Variants in RXRA observed in about 807,000 individuals in gnomAD.
RXRA encodes retinoic acid receptor RXR-alpha.
A neutral mutation model predicts 44.5 loss-of-function variants in RXRA; 5 were observed. The ratio of observed to expected loss-of-function variants is 0.11; its 90% confidence interval spans 0.06 to 0.24. The LOEUF is 0.24. Ranked by LOEUF, RXRA falls within the 10% of genes least tolerant of loss-of-function variation. The pLI is 1.00. For missense variants in RXRA, 412 were observed against 646.5 expected, an observed-to-expected ratio of 0.64 and a Z score of 3.93; for synonymous variants, 291 against 271.4, an observed-to-expected ratio of 1.07 and a Z score of -0.71.
chr9:134,370,469 C>T (rs185915653), intron 1 of RXRA, among the ~76,000 whole-genome samples: 1 of 152,368 alleles, frequency 6.6e-6, no homozygotes, highest in East Asian at 1.9e-4. Flanking sequence ...TTTACTTTGT[C>T]TCTCGCCGTG....
chr9:134,400,433 C>T lies in RXRA; in HGVS notation c.29-1199C>T, dbSNP rs540518106. Among the ~76,000 whole-genome samples, 7 of 152,328 alleles carry T rather than the reference C, an allele frequency of 4.6e-5. No individual in the cohort carries two copies. The East Asian group carries it at 7.7e-4, about 17-fold the overall frequency. ...CCTGTGATTGCCACAGGTCAAGGCA[C>T]GGAGGGCCTGAGAGCCATTCTGCAG... On this transcript the variant is annotated intron_variant, in intron 1 of 9. Transcript: ENST00000481739.
Position 134,426,251 on chromosome 9 carries a change from G to A in RXRA, c.911-2857G>A. 1 of 985,442 alleles carries A rather than the reference G, an allele frequency of 1.0e-6. No homozygotes were observed. Among genetic ancestry groups the A allele is most frequent in the Non-Finnish European group, 1.2e-6 (1 of 829,930 alleles). The allele number at this position is 985,442 out of a possible 1,614,324, so 61.0% of individuals were successfully genotyped here. A position where few individuals can be genotyped will look rare whatever the true frequency, so the allele number is the denominator to read the frequency against. The stretch of plus-strand genomic sequence containing the variant: ...GCCAGCGCACCCTGAGCCGTTTAAA[G>A]CTGTGTCCGTGCCGGGCCCCCACAT... On this transcript the variant is annotated intron_variant, in intron 6 of 9. Transcript: ENST00000481739. This position sits in a 1 kb window ranked among gnomAD's most constrained non-coding sequence, Gnocchi z 4.6.
At position 134,434,271 on chromosome 9, in the gene RXRA, C is replaced by G; in HGVS notation, c.1241+64C>G. 2.5e-6 allele frequency: 3 copies of G among 1,190,296 alleles called. No individual in the cohort carries two copies. In the South Asian group the frequency reaches 3.7e-5, roughly 15 times the overall value. 73.7% of individuals were successfully genotyped at this position (1,190,296 alleles called of 1,614,324 possible). A position where few individuals can be genotyped will look rare whatever the true frequency, so the allele number is the denominator to read the frequency against. ...GCTCTTGTCTCCAGAGCCCCCACCC[C>G]CTGCAAGGCCATTTTATGTGAATGA... On this transcript the variant is annotated intron_variant, in intron 9 of 9. Coordinates refer to ENST00000481739, the MANE Select transcript of RXRA (RefSeq NM_002957.6).
intron 2 of RXRA, chr9:134,402,141 C>G: frequency 3.7e-6 from 2 of 536,142 alleles, no homozygotes; most frequent in South Asian, 5.1e-5. Context: ...TGGCCCCTTC[C>G]CATGCCGGAG....
chr9:134,423,264 T>C, intron 6 of RXRA: 1 of 985,432 alleles, frequency 1.0e-6, no homozygotes, highest in Middle Eastern at 5.2e-4. Context: ...CCGACGATGG[T>C]GCTGGTCACT....
At chr9:134,379,745 C>T (rs1830613575) in intron 1 of RXRA, 4 of 985,260 alleles carry the variant, frequency 4.1e-6, no homozygotes, top group Non-Finnish European at 3.6e-6. Flanking sequence ...CCAGCTCAGC[C>T]CCTCTGTGCC....
chr9:134,350,904 G>A (rs1266959779), intron 1 of RXRA, among the ~76,000 whole-genome samples: 2 of 152,222 alleles, frequency 1.3e-5, no homozygotes, highest in Non-Finnish European at 2.9e-5. Flanking sequence ...CAGGGCCAAC[G>A]TCAGCACCTC....
intron 5 of RXRA, among the ~76,000 whole-genome samples, chr9:134,420,286 C>A (rs1317277108): frequency 6.6e-6 from 1 of 152,224 alleles, no homozygotes; most frequent in Non-Finnish European, 1.5e-5. Context: ...GAGGCTGAGG[C>A]TAAGAAGCCA....
rs561286200 is a variant in RXRA at position 134,417,567 on chromosome 9, A to C, written c.780+240A>C. Among the ~76,000 whole-genome samples the C allele has an allele frequency of 6.6e-6, 1 of 151,372 alleles. No homozygotes were observed. The highest frequency in any genetic ancestry group is 2.4e-5 in the African/African-American group (1 of 40,834). On this transcript the variant is annotated intron_variant, in intron 5 of 9. Coordinates refer to ENST00000481739, the MANE Select transcript of RXRA (RefSeq NM_002957.6). The surrounding 1 kb of genome is among the most constrained non-coding windows in gnomAD (Gnocchi z 6.1). ...GCCCATGGGGCAGGGGCCAGGGGCCAGGGGCCCGGGGCCTGGGGCCCTGCG... is the reference window on the plus strand; with the variant it reads ...GCCCATGGGGCAGGGGCCAGGGGCCCGGGGCCCGGGGCCTGGGGCCCTGCG...
At chr9:134,380,628 G>A (rs1015213391) in intron 1 of RXRA, among the ~76,000 whole-genome samples, 6 of 152,106 alleles carry the variant, frequency 3.9e-5, no homozygotes, top group African/African-American at 1.2e-4. Context: ...CTCTGTGGCT[G>A]CCTCTGTGGC....
At chr9:134,374,942 G>A (rs1475015279) in intron 1 of RXRA, among the ~76,000 whole-genome samples, 6 of 151,912 alleles carry the variant, frequency 3.9e-5, no homozygotes, top group African/African-American at 1.2e-4. Context: ...GCACTGGCCA[G>A]GGCCCAGGGT....
intron 1 of RXRA, among the ~76,000 whole-genome samples, chr9:134,339,449 G>A (rs1253280069): frequency 6.6e-6 from 1 of 151,820 alleles, no homozygotes; most frequent in Non-Finnish European, 1.5e-5. Context: ...CTGTGTGAGT[G>A]TGTGCCTGTG....
chr9:134,429,365 C>T (rs1226276307), intron 7 of RXRA, 125 bp downstream of exon 7: 12 of 1,026,816 alleles, frequency 1.2e-5, no homozygotes, highest in Non-Finnish European at 1.5e-5. Context: ...GAAGGGTGCA[C>T]ACATGGAAAA....
intron 1 of RXRA, among the ~76,000 whole-genome samples, chr9:134,398,703 G>C (rs1330315627): frequency 2.6e-5 from 4 of 152,248 alleles, no homozygotes; most frequent in Non-Finnish European, 5.9e-5. Flanking sequence ...GGAGCAGGGG[G>C]TGGGTGGAGA....
chr9:134,430,087 C>T (rs905980948), intron 7 of RXRA, among the ~76,000 whole-genome samples: 3 of 152,168 alleles, frequency 2.0e-5, no homozygotes, highest in African/African-American at 7.2e-5. Context: ...GGGGTTTCAC[C>T]GTGTTAGCCA....
At chr9:134,374,604 C>T (rs941333424) in intron 1 of RXRA, among the ~76,000 whole-genome samples, 3 of 152,252 alleles carry the variant, frequency 2.0e-5, no homozygotes, top group Non-Finnish European at 4.4e-5. Flanking sequence ...CATGTTGAGC[C>T]CCGAGCAAAT....
Position 134,438,259 on chromosome 9 carries a change from A to G in RXRA, c.*1645A>G, listed in dbSNP as rs1208319028. On this transcript the variant is annotated 3_prime_UTR_variant, in exon 10 of 10. Transcript: ENST00000481739. Reference sequence around the variant, plus strand: ...CCCCACCTGGAGCAGGGGCTTCCTCAGTGGTGAGGGGAGCTGCCTACAGGT... The same window carrying G: ...CCCCACCTGGAGCAGGGGCTTCCTCGGTGGTGAGGGGAGCTGCCTACAGGT... 2.6e-5 allele frequency: 4 copies of G among 152,312 alleles called. No individual in the cohort carries two copies. Among genetic ancestry groups the G allele is most frequent in the African/African-American group, 9.6e-5 (4 of 41,538 alleles). 9.4% of individuals were successfully genotyped at this position (152,312 alleles called of 1,614,324 possible). A position where few individuals can be genotyped will look rare whatever the true frequency, so the allele number is the denominator to read the frequency against.
intron 1 of RXRA, among the ~76,000 whole-genome samples, chr9:134,370,639 C>T (rs960196970): frequency 7.2e-5 from 11 of 152,234 alleles, no homozygotes; most frequent in African/African-American, 2.2e-4. Flanking sequence ...CCTCCCTGGT[C>T]GTCCTTCCTC....
chr9:134,433,195 C>A lies in RXRA; in HGVS notation c.1136-907C>A, dbSNP rs993582017. On this transcript the variant is annotated intron_variant, in intron 8 of 9. Transcript: ENST00000481739. The surrounding 1 kb of genome is among the most constrained non-coding windows in gnomAD (Gnocchi z 4.2). Reference sequence around the variant, plus strand: ...TCATTTTATCACCCAGGCTGTGCATCCGGGCCGTAATCCTGCCAGCTCGGA... The same window carrying A: ...TCATTTTATCACCCAGGCTGTGCATACGGGCCGTAATCCTGCCAGCTCGGA... 6.6e-6 allele frequency among the ~76,000 whole-genome samples: 1 copy of A among 152,126 alleles called. No individual in the cohort carries two copies. Among genetic ancestry groups the A allele is most frequent in the Non-Finnish European group, 1.5e-5 (1 of 68,014 alleles).
Sources: gnomAD v4.1 joint callset for allele counts (sites outside exome capture counted in the v4.1 genomes callset) on GRCh38, gnomAD v4.1.1 for gene constraint, Gnocchi (gnomAD v3.1) non-coding constraint, MANE v1.5 for transcripts, NCBI Gene and HGNC (gene_info 2026-07-23, HGNC 2026-07-21) for gene names.